Variants in OR9Q1 observed in about 807,000 individuals in gnomAD.
The protein encoded by OR9Q1 is olfactory receptor family 9 subfamily Q member 1, also known as olfactory receptor 9Q1.
For missense variants in OR9Q1, 374 were observed against 378.8 expected (o/e 0.99, Z 0.11); for synonymous variants, 153 against 148.6 (o/e 1.03, Z -0.22).
intron 2 of OR9Q1, chr11:58,118,413 T>TA (rs1853980788): frequency 1.3e-5 from 11 of 832,494 alleles, no homozygotes; most frequent in Non-Finnish European, 1.7e-5. Context: ...TGTTTGTGGG[T>TA]ATAGGTTGCA....
At chr11:58,110,722 C>A (rs1853891488) in intron 2 of OR9Q1, among the ~76,000 whole-genome samples, 2 of 152,166 alleles carry the variant, frequency 1.3e-5, no homozygotes, top group Admixed American at 6.5e-5. Context: ...TAATTGTTAC[C>A]TCTGTACTCT....
chr11:58,032,270 A>G (rs1487495255), intron 1 of OR9Q1, among the ~76,000 whole-genome samples: 1 of 152,220 alleles, frequency 6.6e-6, no homozygotes, highest in Non-Finnish European at 1.5e-5. Context: ...TAAAATTCAT[A>G]TGAAAGCAAA....
Position 58,114,746 on chromosome 11 carries a change from C to T in OR9Q1, c.-15+58799C>T, listed in dbSNP as rs186224753. On this transcript the variant is annotated intron_variant, in intron 2 of 2. Coordinates refer to ENST00000335397, the MANE Select transcript of OR9Q1 (RefSeq NM_001005212.4). ...GTGCAAAATTAATTGTGGTTTAATA[C>T]TTTGACACATTACAGATGAGGAAGC... Among the ~76,000 whole-genome samples the T allele has an allele frequency of 9.2e-5, 14 of 152,262 alleles. No individual in the cohort carries two copies. The East Asian group carries it at 9.6e-4, about 10-fold the overall frequency.
intron 1 of OR9Q1, among the ~76,000 whole-genome samples, chr11:58,047,013 C>T (rs1853223460): frequency 6.6e-6 from 1 of 152,332 alleles, no homozygotes; most frequent in South Asian, 2.1e-4. Context: ...GTCTGCAAGG[C>T]TAAATCAGTA....
chr11:58,169,581 A>G (rs922500883), intron 2 of OR9Q1, among the ~76,000 whole-genome samples: 4 of 152,170 alleles, frequency 2.6e-5, no homozygotes, highest in Admixed American at 1.3e-4. Context: ...ACTGAATTCA[A>G]TCTTTTCCAC....
chr11:58,046,525 C>T (rs1012313440), intron 1 of OR9Q1, among the ~76,000 whole-genome samples: 3 of 152,182 alleles, frequency 2.0e-5, no homozygotes, highest in African/African-American at 7.2e-5. Flanking sequence ...TTAAAGGAAA[C>T]TGCAGGAGGC....
chr11:58,067,483 CA>C (rs1288232302), intron 2 of OR9Q1, among the ~76,000 whole-genome samples: 1 of 152,150 alleles, frequency 6.6e-6, no homozygotes, highest in Non-Finnish European at 1.5e-5. Flanking sequence ...ATTTCAATGG[CA>C]AAACCCTTTC....
At chr11:58,126,599 C>T (rs1026131196) in intron 2 of OR9Q1, among the ~76,000 whole-genome samples, 11 of 152,142 alleles carry the variant, frequency 7.2e-5, no homozygotes, top group Admixed American at 4.6e-4. Flanking sequence ...AGGGTGGCAG[C>T]CACAGATCAG....
At chr11:58,055,368 T>A (rs1047827313) in intron 1 of OR9Q1, among the ~76,000 whole-genome samples, 1 of 152,274 alleles carries the variant, frequency 6.6e-6, no homozygotes, top group South Asian at 2.1e-4. Flanking sequence ...AGTTTGAAGA[T>A]CTTTGCTATG....
At chr11:58,037,899 T>A (rs1161137679) in intron 1 of OR9Q1, among the ~76,000 whole-genome samples, 17 of 144,866 alleles carry the variant, frequency 1.2e-4, no homozygotes, top group African/African-American at 4.0e-4. Flanking sequence ...TTTTTGTTTT[T>A]TTTTTTTTTT....
At chr11:58,084,284 T>G (rs1021879392) in intron 2 of OR9Q1, among the ~76,000 whole-genome samples, 1 of 151,892 alleles carries the variant, frequency 6.6e-6, no homozygotes, top group Non-Finnish European at 1.5e-5. Context: ...ATGCTACTGA[T>G]TTTTGTATAT....
At chr11:58,109,184 T>C (rs1390223538) in intron 2 of OR9Q1, 1 of 484,548 alleles carries the variant, frequency 2.1e-6, no homozygotes, top group Non-Finnish European at 4.2e-6. Context: ...GTGCACGTGG[T>C]ATGCAGAATG....
intron 2 of OR9Q1, among the ~76,000 whole-genome samples, chr11:58,157,866 G>T (rs1470339958): frequency 6.6e-6 from 1 of 152,148 alleles, no homozygotes; most frequent in Non-Finnish European, 1.5e-5. Context: ...ATGCTTTTCT[G>T]AGCACTTCAG....
chr11:58,166,787 C>A (rs1423519201), intron 2 of OR9Q1, among the ~76,000 whole-genome samples: 1 of 152,154 alleles, frequency 6.6e-6, no homozygotes, highest in Non-Finnish European at 1.5e-5. Flanking sequence ...GAACCATATT[C>A]TTTTCATGCT....
intron 2 of OR9Q1, among the ~76,000 whole-genome samples, chr11:58,169,698 CCTT>C (rs1000689991): frequency 3.9e-5 from 6 of 152,186 alleles, no homozygotes; most frequent in Non-Finnish European, 5.9e-5. Context: ...TCATTATCCC[CCTT>C]CTTCTTCTCC....
intron 1 of OR9Q1, among the ~76,000 whole-genome samples, chr11:58,037,653 CTATATATATATATATATATATA>C (rs1248262165): frequency 1.6e-4 from 6 of 37,432 alleles, no homozygotes; most frequent in Non-Finnish European, 2.7e-4. Flanking sequence ...TAAAGAATAA[CTATATATATATATATATATATA>C]TATATATATA....
intron 2 of OR9Q1, among the ~76,000 whole-genome samples, chr11:58,081,062 G>A (rs1028068161): frequency 6.6e-6 from 1 of 151,964 alleles, no homozygotes; most frequent in African/African-American, 2.4e-5. Context: ...ATGAGAACAT[G>A]TGGTGTTTGG....
At chr11:58,118,425 A>G (rs1853981012) in intron 2 of OR9Q1, 9 of 946,984 alleles carry the variant, frequency 9.5e-6, no homozygotes, top group Non-Finnish European at 1.4e-5. Flanking sequence ...TAGGTTGCAT[A>G]TAGTAATGGT....
chr11:58,133,468 A>G (rs1257157297), intron 2 of OR9Q1, among the ~76,000 whole-genome samples: 2 of 152,148 alleles, frequency 1.3e-5, no homozygotes, highest in African/African-American at 4.8e-5. Context: ...TCAAAGCTAC[A>G]TGTGATTTTC....
Sources: gnomAD v4.1 joint callset for allele counts (sites outside exome capture counted in the v4.1 genomes callset) on GRCh38, gnomAD v4.1.1 for gene constraint, MANE v1.5 for transcripts, NCBI Gene and HGNC (gene_info 2026-07-23, HGNC 2026-07-21) for gene names.